IFTAP: variants seen among roughly 807,000 people sequenced by gnomAD.
IFTAP encodes intraflagellar transport associated protein.
In IFTAP, 19 loss-of-function variants were observed where a neutral mutation model predicts 19.4. That is an observed-to-expected ratio of 0.98 (90% CI 0.68 to 1.44). The LOEUF (loss-of-function observed/expected upper bound fraction) is 1.44. Among genes scored for constraint, IFTAP ranks in the 40% most tolerant of loss-of-function variants. The pLI is 0.00. For missense variants in IFTAP, 240 were observed against 253.6 expected, an observed-to-expected ratio of 0.95 and a Z score of 0.36; for synonymous variants, 85 against 83.5, an observed-to-expected ratio of 1.02 and a Z score of -0.10.
chr11:36,617,337 T>C (rs1484264762), intron 2 of IFTAP, among the ~76,000 whole-genome samples: 1 of 150,960 alleles, frequency 6.6e-6, no homozygotes, highest in African/African-American at 2.4e-5. Flanking sequence ...CAAACTTGGC[T>C]GAATATCAGG....
Position 36,647,887 on chromosome 11 carries a change from G to A in IFTAP, c.359-129G>A, listed in dbSNP as rs187311178. ...GAGTCCAGTTCCCAAAGGAGGACAG[G>A]CATTGTGAAATGGATCTACATTACA... On this transcript the variant is annotated intron_variant, in intron 4 of 5. Transcript: ENST00000334307. 66 of 1,026,462 alleles carry A rather than the reference G, an allele frequency of 6.4e-5. No individual in the cohort carries two copies. The African/African-American group carries it at 1.0e-3, about 16-fold the overall frequency. The allele number at this position is 1,026,462 out of a possible 1,614,324, so 63.6% of individuals were successfully genotyped here. A position where few individuals can be genotyped will look rare whatever the true frequency, so the allele number is the denominator to read the frequency against.
intron 2 of IFTAP, among the ~76,000 whole-genome samples, chr11:36,622,447 A>C (rs1852335642): frequency 6.6e-6 from 1 of 152,114 alleles, no homozygotes; most frequent in Non-Finnish European, 1.5e-5. Flanking sequence ...TTTATAAATA[A>C]TTTACTATGT....
chr11:36,653,482 A>C (rs1853832672), intron 5 of IFTAP, among the ~76,000 whole-genome samples: 1 of 152,140 alleles, frequency 6.6e-6, no homozygotes, highest in African/African-American at 2.4e-5. Context: ...CAAAGTCTTT[A>C]CTGAAATAAA....
At chr11:36,658,321 G>A (rs1441595530) in intron 5 of IFTAP, among the ~76,000 whole-genome samples, 3 of 147,324 alleles carry the variant, frequency 2.0e-5, no homozygotes, top group African/African-American at 4.9e-5. Context: ...TGGTTTATTG[G>A]AAAATATGCT....
At chr11:36,654,351 T>A (rs1043648567) in intron 5 of IFTAP, among the ~76,000 whole-genome samples, 2 of 152,052 alleles carry the variant, frequency 1.3e-5, no homozygotes, top group Non-Finnish European at 1.5e-5. Context: ...TTTTTATTTT[T>A]TATTATACTT....
intron 1 of IFTAP, among the ~76,000 whole-genome samples, chr11:36,599,251 C>A (rs902504486): frequency 6.6e-6 from 1 of 152,210 alleles, no homozygotes; most frequent in Non-Finnish European, 1.5e-5. Context: ...GCCTTGGCCT[C>A]CCAAAGTGCT....
At chr11:36,642,207 C>T (rs1380500879) in intron 4 of IFTAP, among the ~76,000 whole-genome samples, 2 of 152,072 alleles carry the variant, frequency 1.3e-5, no homozygotes, top group Non-Finnish European at 2.9e-5. Flanking sequence ...TACAAACTAC[C>T]ATCAGAGAAT....
chr11:36,640,566 G>C (rs1413326602), intron 4 of IFTAP, among the ~76,000 whole-genome samples: 3 of 152,152 alleles, frequency 2.0e-5, no homozygotes, highest in Non-Finnish European at 4.4e-5. Context: ...TTATTGGAAA[G>C]AGTGACTGAC....
chr11:36,609,964 TA>T, intron 1 of IFTAP, 116 bp from the exon 2 acceptor site: 2 of 861,474 alleles, frequency 2.3e-6, no homozygotes, highest in Admixed American at 5.0e-5. Context: ...ACTGCTCTAG[TA>T]ACTATCTTGA....
chr11:36,621,792 T>G (rs1395117104), intron 2 of IFTAP, among the ~76,000 whole-genome samples: 1 of 152,040 alleles, frequency 6.6e-6, no homozygotes, highest in East Asian at 1.9e-4. Flanking sequence ...GTCATTCCTA[T>G]TGCAATCTGC....
At chr11:36,649,878 A>G (rs1853639808) in intron 5 of IFTAP, among the ~76,000 whole-genome samples, 2 of 152,248 alleles carry the variant, frequency 1.3e-5, no homozygotes, top group African/African-American at 2.4e-5. Context: ...TAGAATCACA[A>G]TACAGGTTGA....
chr11:36,625,259 AAT>A (rs1420563115), intron 2 of IFTAP, among the ~76,000 whole-genome samples: 1 of 152,098 alleles, frequency 6.6e-6, no homozygotes, highest in African/African-American at 2.4e-5. Flanking sequence ...AATGCACATA[AAT>A]ATGTTTATTT....
intron 4 of IFTAP, among the ~76,000 whole-genome samples, chr11:36,645,965 C>A (rs2133505759): frequency 6.6e-6 from 1 of 152,210 alleles, no homozygotes; most frequent in East Asian, 1.9e-4. Flanking sequence ...CTATGTTAGG[C>A]ACTAATAGAT....
Position 36,600,564 on chromosome 11 carries a change from T to C in IFTAP, c.-24+5972T>C, listed in dbSNP as rs142746401. Among the ~76,000 whole-genome samples, 218 of 152,198 alleles carry C rather than the reference T, an allele frequency of 1.4e-3. 1 individual carries two copies. Among genetic ancestry groups the C allele is most frequent in the African/African-American group, 5.0e-3 (209 of 41,494 alleles). On this transcript the variant is annotated intron_variant, in intron 1 of 5. Coordinates refer to ENST00000334307, the MANE Select transcript of IFTAP (RefSeq NM_138787.4). ...CCCCTCACTCTGGTCCATGGAAAAA[T>C]TGTCCTCCACGAAACTAGTCTCTGG... is the stretch of plus-strand genomic sequence containing the variant.
chr11:36,656,172 A>G (rs1853976352), intron 5 of IFTAP, among the ~76,000 whole-genome samples: 2 of 152,150 alleles, frequency 1.3e-5, no homozygotes, highest in African/African-American at 4.8e-5. Context: ...AGTAAGTCCG[A>G]AATACAGGCC....
chr11:36,658,214 G>A (rs1200951840), intron 5 of IFTAP, among the ~76,000 whole-genome samples: 2 of 152,150 alleles, frequency 1.3e-5, no homozygotes, highest in African/African-American at 2.4e-5. Context: ...ATATTGTGGA[G>A]CTACATAGAA....
intron 1 of IFTAP, among the ~76,000 whole-genome samples, chr11:36,609,193 G>A (rs886092239): frequency 1.3e-5 from 2 of 152,138 alleles, no homozygotes; most frequent in African/African-American, 4.8e-5. Flanking sequence ...GTGGGAGATG[G>A]GGGATAAAGT....
At chr11:36,652,827 G>T (rs773915043) in intron 5 of IFTAP, among the ~76,000 whole-genome samples, 1 of 151,770 alleles carries the variant, frequency 6.6e-6, no homozygotes, top group South Asian at 2.1e-4. Context: ...TTTACCACTG[G>T]TTCTACACAC....
intron 5 of IFTAP, among the ~76,000 whole-genome samples, chr11:36,656,115 C>T (rs117801767): frequency 0.017 from 2,632 of 152,176 alleles, 31 homozygotes; most frequent in Non-Finnish European, 0.026. Flanking sequence ...TGGGTTGGGC[C>T]GTATCTATAA....
Sources: allele counts gnomAD v4.1 joint callset (sites outside exome capture counted in the v4.1 genomes callset), GRCh38; gene constraint gnomAD v4.1.1; transcripts MANE v1.5; gene names NCBI Gene and HGNC (gene_info 2026-07-23, HGNC 2026-07-21).